The following TRAPPC9 variants were observed in gnomAD, a reference collection of about 807,000 sequenced individuals.
The protein encoded by TRAPPC9 is trafficking protein particle complex subunit 9.
TRAPPC9 carries 83 observed loss-of-function variants against 124.0 expected under a neutral mutation model. That is an observed-to-expected ratio of 0.67 (90% CI 0.56 to 0.80). The LOEUF is 0.80. Among genes scored for constraint, TRAPPC9 ranks in the 30% least tolerant of loss-of-function variants. The probability of loss-of-function intolerance (pLI) is 0.00; values close to 1 mark genes in which losing one functional copy is unlikely to be tolerated. For missense variants in TRAPPC9, 1,302 were observed against 1,508.3 expected (o/e 0.86, Z 2.27); for synonymous variants, 638 against 617.5 (o/e 1.03, Z -0.49).
intron 21 of TRAPPC9, among the ~76,000 whole-genome samples, chr8:139,761,973 C>T (rs543732774): frequency 1.3e-5 from 2 of 151,760 alleles, no homozygotes; most frequent in African/African-American, 4.8e-5. Context: ...GTTTCTTTTA[C>T]ACTTGTACAG....
chr8:139,844,698 G>A (rs532787810), intron 21 of TRAPPC9, among the ~76,000 whole-genome samples: 183 of 152,356 alleles, frequency 1.2e-3, no homozygotes, highest in Non-Finnish European at 1.9e-3. Flanking sequence ...TGGGAGTGGG[G>A]ACTGGAATAA....
chr8:139,731,624 T>C (rs2129929714), intron 22 of TRAPPC9, among the ~76,000 whole-genome samples: 1 of 152,136 alleles, frequency 6.6e-6, no homozygotes, highest in East Asian at 1.9e-4. Flanking sequence ...GCTGGAGCCT[T>C]TCCGTGGAAG....
chr8:139,913,524 T>C (rs1048602142), intron 19 of TRAPPC9, among the ~76,000 whole-genome samples: 3 of 152,184 alleles, frequency 2.0e-5, no homozygotes, highest in Admixed American at 6.5e-5. Flanking sequence ...AGAGAGACCA[T>C]TTCTTGCTCA....
intron 10 of TRAPPC9, among the ~76,000 whole-genome samples, chr8:140,306,078 ACAT>A (rs1432856813): frequency 1.3e-5 from 2 of 152,182 alleles, no homozygotes; most frequent in Non-Finnish European, 2.9e-5. Flanking sequence ...TATCCCTCAC[ACAT>A]CATCATGACA....
chr8:140,244,944 T>G (rs958344376), intron 16 of TRAPPC9, among the ~76,000 whole-genome samples: 2 of 151,354 alleles, frequency 1.3e-5, no homozygotes, highest in African/African-American at 4.9e-5. Flanking sequence ...GTACCTGGGA[T>G]TAAGGTGCAC....
chr8:139,885,425 C>T (rs975605276), intron 21 of TRAPPC9, among the ~76,000 whole-genome samples: 2 of 152,174 alleles, frequency 1.3e-5, no homozygotes, highest in South Asian at 2.1e-4. Flanking sequence ...CATGCATAGT[C>T]GTGGTGAGTG....
At chr8:139,863,769 A>G (rs1409228070) in intron 21 of TRAPPC9, among the ~76,000 whole-genome samples, 4 of 152,202 alleles carry the variant, frequency 2.6e-5, no homozygotes, top group African/African-American at 9.6e-5. Context: ...ACTCATCCCC[A>G]CTGGCTGTGT....
At chr8:139,902,940 C>T (rs1459157969) in intron 20 of TRAPPC9, among the ~76,000 whole-genome samples, 7 of 152,210 alleles carry the variant, frequency 4.6e-5, no homozygotes, top group Non-Finnish European at 1.5e-5. Context: ...AAAATCCTTA[C>T]ACTGTCCTGC....
intron 18 of TRAPPC9, among the ~76,000 whole-genome samples, chr8:140,010,443 T>C (rs1272751760): frequency 6.6e-6 from 1 of 152,140 alleles, no homozygotes; most frequent in African/African-American, 2.4e-5. Flanking sequence ...AAAATGCAGA[T>C]AGCAAATTCA....
At chr8:140,113,776 G>A (rs563250458) in intron 17 of TRAPPC9, among the ~76,000 whole-genome samples, 4 of 152,294 alleles carry the variant, frequency 2.6e-5, no homozygotes, top group East Asian at 1.9e-4. Flanking sequence ...CTGATCCACC[G>A]AATTCTTCAC....
At chr8:139,920,646 C>T (rs1157433794) in intron 19 of TRAPPC9, among the ~76,000 whole-genome samples, 1 of 152,230 alleles carries the variant, frequency 6.6e-6, no homozygotes, top group Non-Finnish European at 1.5e-5. Flanking sequence ...TTTGAAGTTT[C>T]TCTGCCTTAG....
At position 140,451,325 on chromosome 8, in the gene TRAPPC9, G is replaced by A; in HGVS notation, c.49C>T (p.Leu17Phe). ...ATGCCCACAGGCTGGACCACCACGA[G>A]CAGCGTCTGGTGGTCCTCAGCACAC... is the stretch of plus-strand genomic sequence containing the variant. ...MQCAEDHQTL[L>F]VVVQPVGIVS... is the part of the protein sequence containing the mutation. The change falls in exon 2 of 23, where the codon CTC (leucine) becomes TTC (phenylalanine). Residue 17 changes from leucine to phenylalanine, a missense_variant. Leu to Phe is a conservative substitution (Grantham distance 22). Coordinates refer to ENST00000438773, the MANE Select transcript of TRAPPC9 (RefSeq NM_001160372.4). 6.2e-7 allele frequency: 1 copy of A among 1,607,020 alleles called. No homozygotes were observed. Among genetic ancestry groups the A allele is most frequent in the East Asian group, 2.2e-5 (1 of 44,892 alleles).
chr8:140,213,450 G>A (rs1335974785), intron 17 of TRAPPC9, among the ~76,000 whole-genome samples: 2 of 152,204 alleles, frequency 1.3e-5, no homozygotes, highest in Non-Finnish European at 2.9e-5. Context: ...GCTGGAAGCT[G>A]ATGAATTTCA....
At chr8:139,815,554 C>T (rs28366721) in intron 21 of TRAPPC9, among the ~76,000 whole-genome samples, 4 of 151,834 alleles carry the variant, frequency 2.6e-5, no homozygotes, top group Non-Finnish European at 4.4e-5. Flanking sequence ...CACCTGGCTG[C>T]CTAATTTTTG....
intron 21 of TRAPPC9, among the ~76,000 whole-genome samples, chr8:139,760,696 G>A (rs945062681): frequency 6.6e-6 from 1 of 152,212 alleles, no homozygotes; most frequent in African/African-American, 2.4e-5. Flanking sequence ...TCTCAGAAGT[G>A]TAAGGCAAGG....
rs1238420416 is a variant in TRAPPC9, at chr8:140,241,540, C to G, written c.2431+11237G>C. On this transcript the variant is annotated intron_variant, in intron 16 of 22. Coordinates refer to ENST00000438773, the MANE Select transcript of TRAPPC9 (RefSeq NM_001160372.4). The surrounding 1 kb of genome is among the most constrained non-coding windows in gnomAD (Gnocchi z 5.0). ...TGAAACCCTGTCTCTACTAAAAATA[C>G]AAAAATTAGCTGGGCATGGTGGTGT... 6.6e-6 allele frequency among the ~76,000 whole-genome samples: 1 copy of G among 152,008 alleles called. No homozygotes were observed. The highest frequency in any genetic ancestry group is 2.4e-5 in the African/African-American group (1 of 41,382).
intron 9 of TRAPPC9, among the ~76,000 whole-genome samples, chr8:140,357,170 A>G (rs1308202709): frequency 6.6e-6 from 1 of 152,168 alleles, no homozygotes; most frequent in African/African-American, 2.4e-5. Flanking sequence ...AGAGGCCCAG[A>G]GTCCCTGGTC....
intron 4 of TRAPPC9, 104 bp downstream of exon 4, chr8:140,435,008 G>C: frequency 6.5e-7 from 1 of 1,536,108 alleles, no homozygotes; most frequent in Non-Finnish European, 8.8e-7. Flanking sequence ...AGATTTTACA[G>C]TTTATTTAAA....
chr8:139,757,535 A>G (rs1819931733), intron 21 of TRAPPC9, among the ~76,000 whole-genome samples: 1 of 151,726 alleles, frequency 6.6e-6, no homozygotes, highest in Non-Finnish European at 1.5e-5. Flanking sequence ...GGGTATGGGG[A>G]CAGCGTGTCG....
Sources: allele counts gnomAD v4.1 joint callset (sites outside exome capture counted in the v4.1 genomes callset), GRCh38; gene constraint gnomAD v4.1.1; non-coding constraint Gnocchi (gnomAD v3.1); transcripts MANE v1.5; gene names NCBI Gene and HGNC (gene_info 2026-07-23, HGNC 2026-07-21).